Variants in NAALADL2 observed in about 807,000 individuals in gnomAD.
NAALADL2 encodes inactive N-acetylated-alpha-linked acidic dipeptidase-like protein 2.
NAALADL2 carries 76 observed loss-of-function variants against 87.2 expected under a neutral mutation model. The ratio of observed to expected loss-of-function variants is 0.87; its 90% CI spans 0.72 to 1.05. The LOEUF (loss-of-function observed/expected upper bound fraction) is 1.05, where lower values mean the gene tolerates loss of function less well. Ranked by LOEUF, NAALADL2 falls within the 50% of genes least tolerant of loss-of-function variation. NAALADL2 has a pLI of 0.00. For synonymous variants in NAALADL2, 354 were observed against 331.0 expected (o/e 1.07, Z -0.75); for missense variants, 1,089 against 945.8 (o/e 1.15, Z -1.99).
chr3:175,214,566 C>T (rs1742230032), intron 2 of NAALADL2, among the ~76,000 whole-genome samples: 4 of 151,706 alleles, frequency 2.6e-5, no homozygotes. Flanking sequence ...TCTTCTTTGT[C>T]TGACCCCTGA....
chr3:175,336,295 C>T (rs1407153843), intron 5 of NAALADL2, among the ~76,000 whole-genome samples: 2 of 152,112 alleles, frequency 1.3e-5, no homozygotes, highest in African/African-American at 4.8e-5. Flanking sequence ...AATGTGTTTT[C>T]AAGTCTCTAA....
At chr3:175,247,091 C>T (rs1748131568) in intron 3 of NAALADL2, among the ~76,000 whole-genome samples, 1 of 152,134 alleles carries the variant, frequency 6.6e-6, no homozygotes. Flanking sequence ...GTTTTATCCT[C>T]ATATAAACTG....
chr3:175,119,137 T>C (rs1037597906), intron 2 of NAALADL2, among the ~76,000 whole-genome samples: 2 of 151,532 alleles, frequency 1.3e-5, no homozygotes, highest in Non-Finnish European at 3.0e-5. Context: ...AATTTTAAAA[T>C]ACCTAAGTTA....
intron 3 of NAALADL2, chr3:175,242,333 T>TTA (rs1464600142): frequency 6.6e-6 from 1 of 152,196 alleles, no homozygotes; most frequent in African/African-American, 2.4e-5. Flanking sequence ...ATGTTTTAAT[T>TTA]TATACAAAAT....
chr3:174,606,750 GATA>G (rs1719119611), intron 2 of NAALADL2, among the ~76,000 whole-genome samples: 2 of 152,154 alleles, frequency 1.3e-5, no homozygotes, highest in African/African-American at 4.8e-5. Context: ...CCCTCTGCAG[GATA>G]TTATCCAGGA....
At chr3:174,622,604 C>CTATTTTCTA (rs1481403755) in intron 2 of NAALADL2, among the ~76,000 whole-genome samples, 7 of 152,012 alleles carry the variant, frequency 4.6e-5, no homozygotes, top group Admixed American at 3.9e-4. Context: ...CAATTAATGC[C>CTATTTTCTA]TATTTTCTAT....
chr3:175,493,602 G>A (rs1728403150), intron 9 of NAALADL2, among the ~76,000 whole-genome samples: 1 of 152,060 alleles, frequency 6.6e-6, no homozygotes, highest in Non-Finnish European at 1.5e-5. Flanking sequence ...TGTGAAAACT[G>A]CATATTTTAA....
chr3:174,631,817 G>T (rs535678820), intron 2 of NAALADL2: 6 of 152,120 alleles, frequency 3.9e-5, no homozygotes, highest in Admixed American at 2.6e-4. Flanking sequence ...TGACATTCAG[G>T]TTACTGGATC....
At chr3:174,501,884 A>AT (rs1206548817) in intron 1 of NAALADL2, among the ~76,000 whole-genome samples, 1 of 151,408 alleles carries the variant, frequency 6.6e-6, no homozygotes, top group Non-Finnish European at 1.5e-5. Flanking sequence ...ACTGTTCTCT[A>AT]TTTTTTGTTT....
chr3:174,789,446 C>A (rs1261162860), intron 3 of NAALADL2, among the ~76,000 whole-genome samples: 4 of 152,030 alleles, frequency 2.6e-5, no homozygotes, highest in Non-Finnish European at 5.9e-5. Flanking sequence ...ATTTTAAAAA[C>A]CAATTATTTG....
intron 12 of NAALADL2, among the ~76,000 whole-genome samples, chr3:175,743,728 C>A (rs188402553): frequency 5.3e-5 from 8 of 152,254 alleles, no homozygotes; most frequent in African/African-American, 1.9e-4. Flanking sequence ...AACACATGAG[C>A]TGACAAGGCA....
At chr3:175,354,804 C>T (rs999489269) in intron 5 of NAALADL2, among the ~76,000 whole-genome samples, 15 of 151,344 alleles carry the variant, frequency 9.9e-5, no homozygotes, top group Non-Finnish European at 1.6e-4. Flanking sequence ...CAATGTGTGC[C>T]ACTATGCCCA....
At chr3:175,707,250 A>G (rs1739844065) in intron 11 of NAALADL2, among the ~76,000 whole-genome samples, 1 of 152,180 alleles carries the variant, frequency 6.6e-6, no homozygotes, top group South Asian at 2.1e-4. Flanking sequence ...AAGCAATCAA[A>G]CAATATGACA....
At chr3:175,300,952 T>C (rs1324819654) in intron 4 of NAALADL2, among the ~76,000 whole-genome samples, 1 of 151,928 alleles carries the variant, frequency 6.6e-6, no homozygotes, top group African/African-American at 2.4e-5. Context: ...ATGTTGGTCA[T>C]GCTGGTCTCA....
At chr3:175,133,051 G>A (rs995807544) in intron 2 of NAALADL2, among the ~76,000 whole-genome samples, 2 of 150,412 alleles carry the variant, frequency 1.3e-5, no homozygotes, top group Admixed American at 6.6e-5. Flanking sequence ...CAGACGGGGC[G>A]GCGGGGCAGA....
intron 1 of NAALADL2, among the ~76,000 whole-genome samples, chr3:175,022,756 C>T (rs9878985): frequency 0.32 from 47,963 of 151,924 alleles, 9,902 homozygotes; most frequent in African/African-American, 0.58. Flanking sequence ...AATGTATTGA[C>T]GGATTAACAG....
chr3:175,150,667 T>C (rs944453107), intron 2 of NAALADL2, among the ~76,000 whole-genome samples: 1 of 152,212 alleles, frequency 6.6e-6, no homozygotes, highest in African/African-American at 2.4e-5. Context: ...TTTTAAGGGA[T>C]ATAAAGATTA....
chr3:175,244,283 G>A (rs1016962719), intron 3 of NAALADL2, among the ~76,000 whole-genome samples: 1 of 152,064 alleles, frequency 6.6e-6, no homozygotes, highest in Non-Finnish European at 1.5e-5. Context: ...GACTTTCATG[G>A]TAATATATAT....
intron 2 of NAALADL2, among the ~76,000 whole-genome samples, chr3:174,659,694 A>AGTTCAGGAAAAG (rs1169099540): frequency 2.0e-5 from 3 of 152,188 alleles, no homozygotes; most frequent in Non-Finnish European, 4.4e-5. Flanking sequence ...GTGAAAGGGA[A>AGTTCAGGAAAAG]GATAAGTCAG....
Sources: gnomAD v4.1 joint callset for allele counts (sites outside exome capture counted in the v4.1 genomes callset) on GRCh38, gnomAD v4.1.1 for gene constraint, MANE v1.5 for transcripts, NCBI Gene and HGNC (gene_info 2026-07-23, HGNC 2026-07-21) for gene names.